Variants in MICAL2 observed in about 807,000 individuals in gnomAD.
MICAL2 encodes [F-actin]-monooxygenase MICAL2.
In MICAL2, 77 loss-of-function variants were observed where a neutral mutation model predicts 127.3. The ratio of observed to expected loss-of-function variants is 0.60; its 90% CI spans 0.50 to 0.73. MICAL2 has a LOEUF of 0.73. Among genes scored for constraint, MICAL2 ranks in the 30% least tolerant of loss-of-function variants. MICAL2 has a pLI of 0.00. For synonymous variants in MICAL2, 570 were observed against 551.1 expected, an observed-to-expected ratio of 1.03 and a Z score of -0.48; for missense variants, 1,351 against 1,434.4, an observed-to-expected ratio of 0.94 and a Z score of 0.94.
chr11:12,254,955 G>A (rs1346187105), intron 22 of MICAL2: 2 of 23,240 alleles, frequency 8.6e-5, no homozygotes, highest in Non-Finnish European at 1.6e-4. Context: ...TTTTACTCTT[G>A]TTGCTCAGGC....
At chr11:12,185,869 C>A (rs114504889) in intron 3 of MICAL2, among the ~76,000 whole-genome samples, 4 of 152,220 alleles carry the variant, frequency 2.6e-5, no homozygotes, top group Non-Finnish European at 4.4e-5. Flanking sequence ...TGAATCCCAA[C>A]GCCAGCCTGC....
downstream of MICAL2, among the ~76,000 whole-genome samples, chr11:12,288,242 A>C (rs138939922): frequency 0.015 from 2,236 of 152,334 alleles, 21 homozygotes; most frequent in Non-Finnish European, 0.02. Context: ...TAGCATTGCC[A>C]CACATGGGTC....
chr11:12,289,571 T>G (rs1863870984), downstream of MICAL2, among the ~76,000 whole-genome samples: 1 of 148,106 alleles, frequency 6.8e-6, no homozygotes, highest in African/African-American at 2.5e-5. Flanking sequence ...TTTTTGTTTT[T>G]TTTTTTTTTC....
At chr11:12,301,096 A>T (rs548202776) in intron 29 of MICAL2, among the ~76,000 whole-genome samples, 10 of 152,318 alleles carry the variant, frequency 6.6e-5, no homozygotes, top group African/African-American at 2.4e-4. Context: ...GAAAATGAGG[A>T]AGATGTGAAA....
chr11:12,269,002 G>GA (rs1235292304), intron 24 of MICAL2, among the ~76,000 whole-genome samples: 1,735 of 146,192 alleles, frequency 0.012, 35 homozygotes, highest in African/African-American at 0.04. Flanking sequence ...CGTCTCAAAG[G>GA]AAAAAAAAAA....
At chr11:12,150,788 C>A (rs1156536674) in intron 2 of MICAL2, among the ~76,000 whole-genome samples, 1 of 152,158 alleles carries the variant, frequency 6.6e-6, no homozygotes, top group Non-Finnish European at 1.5e-5. Flanking sequence ...GGTGGAAAAT[C>A]TGTTTTTAGT....
At chr11:12,230,471 C>T (rs1286453074) in intron 15 of MICAL2, among the ~76,000 whole-genome samples, 1 of 152,154 alleles carries the variant, frequency 6.6e-6, no homozygotes, top group East Asian at 1.9e-4. Flanking sequence ...TATACAATAG[C>T]CCTCCCCACA....
intron 3 of MICAL2, among the ~76,000 whole-genome samples, chr11:12,187,008 G>T (rs753665401): frequency 6.6e-6 from 1 of 152,198 alleles, no homozygotes; most frequent in Non-Finnish European, 1.5e-5. Flanking sequence ...TCCCTGAGTG[G>T]TGAATAGGAT....
intron 1 of MICAL2, among the ~76,000 whole-genome samples, chr11:12,130,779 C>A (rs1326000343): frequency 1.3e-5 from 2 of 151,806 alleles, no homozygotes; most frequent in South Asian, 2.1e-4. Context: ...AGCTTCCTGG[C>A]ACCCCAGCAC....
chr11:12,174,725 C>G (rs7118510), intron 3 of MICAL2, among the ~76,000 whole-genome samples: 44,934 of 151,912 alleles, frequency 0.3, 6,824 homozygotes, highest in Admixed American at 0.38. Flanking sequence ...GAGTCATATG[C>G]TAATTCAACT....
intron 2 of MICAL2, among the ~76,000 whole-genome samples, chr11:12,151,575 T>G (rs532029816): frequency 1.3e-5 from 2 of 152,298 alleles, no homozygotes; most frequent in Admixed American, 1.3e-4. Flanking sequence ...AAACATGTGT[T>G]CTGGTCAAAG....
intron 22 of MICAL2, among the ~76,000 whole-genome samples, chr11:12,249,785 C>G (rs1227103745): frequency 6.6e-6 from 1 of 152,244 alleles, no homozygotes; most frequent in Non-Finnish European, 1.5e-5. Context: ...GCCGGGACAC[C>G]TGGTAATCTT....
Position 12,222,750 on chromosome 11 carries a change from C to T in MICAL2, c.1449+7C>T, listed in dbSNP as rs2134286693. The T allele has an allele frequency of 1.2e-6, 2 of 1,614,094 alleles. No homozygotes were observed. The highest frequency in any genetic ancestry group is 2.2e-5 in the East Asian group (1 of 44,880). The stretch of plus-strand genomic sequence containing the variant: ...CTGTGTCAGGCCCCATCAGGCAAGT[C>T]CATTGCTGGGGCTCTGTCTGAATCA... On this transcript the variant is annotated splice_region_variant and intron_variant, in intron 11 of 27. Coordinates refer to ENST00000683283, the MANE Select transcript of MICAL2 (RefSeq NM_001282663.2).
intron 16 of MICAL2, among the ~76,000 whole-genome samples, chr11:12,237,335 C>T (rs1859227766): frequency 6.6e-6 from 1 of 152,198 alleles, no homozygotes; most frequent in South Asian, 2.1e-4. Flanking sequence ...GTTTCTTCTC[C>T]ACCACTTGGC....
At chr11:12,260,709 G>A in intron 26 of MICAL2, 10 of 985,550 alleles carry the variant, frequency 1.0e-5, no homozygotes, top group Non-Finnish European at 1.1e-5. Context: ...GAAGAAGAGA[G>A]TAGAAGGGCA....
chr11:12,325,116 T>A (rs562938889), intron 31 of MICAL2, among the ~76,000 whole-genome samples: 1 of 152,070 alleles, frequency 6.6e-6, no homozygotes, highest in Non-Finnish European at 1.5e-5. Flanking sequence ...TGTTTTTTGG[T>A]TTTTTATTTT....
At chr11:12,244,257 T>C in intron 21 of MICAL2, 145 bp downstream of exon 21, 3 of 1,189,070 alleles carry the variant, frequency 2.5e-6, no homozygotes, top group Non-Finnish European at 3.6e-6. Context: ...CTGGATTCAA[T>C]TTTGTTTTTG....
intron 29 of MICAL2, among the ~76,000 whole-genome samples, chr11:12,315,794 G>T (rs955150473): frequency 2.0e-5 from 3 of 152,108 alleles, no homozygotes; most frequent in Non-Finnish European, 2.9e-5. Flanking sequence ...TTACTTTTGT[G>T]TACTTATTCT....
At chr11:12,294,047 G>T, downstream of MICAL2, 1 of 1,614,178 alleles carries the variant, frequency 6.2e-7, no homozygotes. Flanking sequence ...GCACCTCAAA[G>T]CTGGGGAGCG....
Sources: allele counts gnomAD v4.1 joint callset (sites outside exome capture counted in the v4.1 genomes callset), GRCh38; gene constraint gnomAD v4.1.1; transcripts MANE v1.5; gene names NCBI Gene and HGNC (gene_info 2026-07-23, HGNC 2026-07-21).